Variants in NRXN1 observed in about 807,000 individuals in gnomAD.
The protein encoded by NRXN1 is neurexin 1.
A neutral mutation model predicts 150.9 loss-of-function variants in NRXN1; 39 were observed. The observed-to-expected ratio is 0.26, with a 90% CI of 0.20 to 0.34. NRXN1 has a LOEUF of 0.34. NRXN1 is among the 10% of genes least tolerant of loss of function. The pLI, the probability that NRXN1 is intolerant of heterozygous loss-of-function variation, is 1.00. For synonymous variants in NRXN1, 924 were observed against 757.0 expected, an observed-to-expected ratio of 1.22 and a Z score of -3.62; for missense variants, 1,815 against 1,949.9, an observed-to-expected ratio of 0.93 and a Z score of 1.30.
chr2:50,129,490 A>C (rs1705143912), intron 18 of NRXN1, among the ~76,000 whole-genome samples: 1 of 152,210 alleles, frequency 6.6e-6, no homozygotes, highest in African/African-American at 2.4e-5. Flanking sequence ...TTTTTTTAAT[A>C]AAATAATTAT....
At chr2:50,348,446 T>C (rs1294174361) in intron 17 of NRXN1, among the ~76,000 whole-genome samples, 2 of 152,188 alleles carry the variant, frequency 1.3e-5, no homozygotes, top group Non-Finnish European at 2.9e-5. Flanking sequence ...TCAGTCAATA[T>C]TTTAGGAATA....
In NRXN1 at chr2:50,528,188, T is replaced by C. The variant is rs1013938385; in HGVS notation, c.2374+437A>G. On this transcript the variant is annotated intron_variant, in intron 12 of 22. Transcript: ENST00000401669. ...TTAGACGAGTAATTTTCTATGTCTA[T>C]GTAAAACTTTAGATGGGTTTAATAG... Among the ~76,000 whole-genome samples the C allele has an allele frequency of 3.9e-5, 6 of 152,152 alleles. No individual in the cohort carries two copies. In the East Asian group the frequency reaches 1.2e-3, roughly 29 times the overall value.
intron 8 of NRXN1, among the ~76,000 whole-genome samples, chr2:50,617,567 G>T (rs369354087): frequency 6.6e-6 from 1 of 152,124 alleles, no homozygotes; most frequent in Non-Finnish European, 1.5e-5. Context: ...AAAAGTGACC[G>T]TGCTTCCTCA....
rs1187111480 is a variant in NRXN1, at chr2:50,562,523, CCAAA to C, written c.1321-9502_1321-9499del. On this transcript the variant is annotated intron_variant, in intron 8 of 22. Coordinates refer to ENST00000401669, the MANE Select transcript of NRXN1 (RefSeq NM_001330078.2). ...AATTTCTCCAAGAGAGATGGGATAA[CCAAA>C]CAATTTCATGTAAAATATTTATTAC... 4.6e-5 allele frequency among the ~76,000 whole-genome samples: 7 copies of C among 151,972 alleles called. No homozygotes were observed. In the East Asian group the frequency reaches 7.7e-4, roughly 17 times the overall value.
chr2:50,081,142 G>A (rs1009366490), intron 19 of NRXN1, among the ~76,000 whole-genome samples: 7 of 152,158 alleles, frequency 4.6e-5, no homozygotes, highest in Non-Finnish European at 1.0e-4. Flanking sequence ...CTAGATTAAT[G>A]TCTAAAACTA....
intron 5 of NRXN1, among the ~76,000 whole-genome samples, chr2:50,865,144 T>C (rs2106056637): frequency 6.6e-6 from 1 of 151,928 alleles, no homozygotes; most frequent in Middle Eastern, 3.4e-3. Context: ...GAATGAGCAA[T>C]TGTAGTTCTA....
chr2:50,239,737 TATC>T (rs2152884215), intron 17 of NRXN1, among the ~76,000 whole-genome samples: 1 of 130,058 alleles, frequency 7.7e-6, no homozygotes, highest in African/African-American at 2.8e-5. Context: ...ATATTTCTGT[TATC>T]ATAACCAGGC....
At chr2:50,040,364 T>G (rs1690747458) in intron 21 of NRXN1, among the ~76,000 whole-genome samples, 1 of 150,538 alleles carries the variant, frequency 6.6e-6, no homozygotes, top group South Asian at 2.1e-4. Flanking sequence ...ATATCAAGTA[T>G]TATATATATA....
intron 18 of NRXN1, among the ~76,000 whole-genome samples, chr2:50,141,771 C>T (rs1161982105): frequency 6.6e-6 from 1 of 151,986 alleles, no homozygotes; most frequent in Non-Finnish European, 1.5e-5. Flanking sequence ...TCCTTACCCC[C>T]GTTAGAATGT....
intron 17 of NRXN1, among the ~76,000 whole-genome samples, chr2:50,314,070 G>C (rs1465485971): frequency 6.6e-6 from 1 of 152,036 alleles, no homozygotes; most frequent in Non-Finnish European, 1.5e-5. Context: ...AAAAGAAATG[G>C]TTTTTCTATG....
intron 17 of NRXN1, among the ~76,000 whole-genome samples, chr2:50,381,460 G>A (rs948972294): frequency 4.0e-5 from 6 of 150,298 alleles, no homozygotes; most frequent in African/African-American, 1.2e-4. Flanking sequence ...TTAGTTTTGC[G>A]AATAAACTGA....
chr2:50,298,361 A>T (rs2073827074), intron 17 of NRXN1, among the ~76,000 whole-genome samples: 1 of 152,148 alleles, frequency 6.6e-6, no homozygotes, highest in Admixed American at 6.6e-5. Flanking sequence ...ACACTATCCG[A>T]CAGGTTATGA....
At chr2:50,679,561 G>A (rs893600003) in intron 5 of NRXN1, among the ~76,000 whole-genome samples, 1 of 152,078 alleles carries the variant, frequency 6.6e-6, no homozygotes, top group Non-Finnish European at 1.5e-5. Flanking sequence ...AATGAGAGAT[G>A]ATCTGTGATT....
intron 17 of NRXN1, among the ~76,000 whole-genome samples, chr2:50,241,691 C>T (rs577292526): frequency 1.9e-4 from 29 of 151,876 alleles, no homozygotes; most frequent in African/African-American, 7.0e-4. Flanking sequence ...CATGGGCTCC[C>T]GTATCTCTTG....
At position 50,261,004 on chromosome 2, in the gene NRXN1, G is replaced by GA. The variant is rs765923876; in HGVS notation, c.3365-24035dup. On this transcript the variant is annotated intron_variant, in intron 17 of 22. Transcript: ENST00000401669. ...TTCTTTTCAATTGAAAAAGAACAGAGAAAAAAAATCCCTCAAAAAGACTTC... is the reference window on the plus strand; with the variant it reads ...TTCTTTTCAATTGAAAAAGAACAGAGAAAAAAAAATCCCTCAAAAAGACTTC... Among the ~76,000 whole-genome samples the GA allele has an allele frequency of 5.3e-5, 8 of 151,314 alleles. No homozygotes were observed. In the East Asian group the frequency reaches 7.8e-4, roughly 15 times the overall value.
intron 5 of NRXN1, among the ~76,000 whole-genome samples, chr2:50,899,731 T>C (rs1682622214): frequency 6.6e-6 from 1 of 152,202 alleles, no homozygotes; most frequent in Non-Finnish European, 1.5e-5. Context: ...ATTTATAGGT[T>C]CTTATGACAT....
intron 12 of NRXN1, among the ~76,000 whole-genome samples, chr2:50,519,044 G>T (rs892163818): frequency 1.3e-5 from 2 of 151,828 alleles, no homozygotes; most frequent in African/African-American, 4.8e-5. Flanking sequence ...TTTGCTTAAA[G>T]AAAACAAATT....
At chr2:50,605,111 G>C (rs1676881117) in intron 8 of NRXN1, among the ~76,000 whole-genome samples, 1 of 152,172 alleles carries the variant, frequency 6.6e-6, no homozygotes, top group Non-Finnish European at 1.5e-5. Flanking sequence ...TCAAAGGTGA[G>C]ATGAAAAAGC....
intron 8 of NRXN1, among the ~76,000 whole-genome samples, chr2:50,584,401 T>A (rs907984191): frequency 6.6e-6 from 1 of 152,330 alleles, no homozygotes; most frequent in East Asian, 1.9e-4. Flanking sequence ...ACACTTGTAC[T>A]CATCAGCCCA....
Sources: allele counts gnomAD v4.1 joint callset (sites outside exome capture counted in the v4.1 genomes callset), GRCh38; gene constraint gnomAD v4.1.1; transcripts MANE v1.5; gene names NCBI Gene and HGNC (gene_info 2026-07-23, HGNC 2026-07-21).